Variants in CNTN4 observed in about 807,000 individuals in gnomAD.
The protein encoded by CNTN4 is contactin-4.
In CNTN4, 77 loss-of-function variants were observed where a neutral mutation model predicts 122.5. That is an observed-to-expected ratio of 0.63 (90% CI 0.52 to 0.76). CNTN4 has a LOEUF of 0.76. CNTN4 is among the 30% of genes least tolerant of loss of function. The pLI is 0.00. For synonymous variants in CNTN4, 512 were observed against 447.0 expected (o/e 1.15, Z -1.83); for missense variants, 1,256 against 1,259.1 (o/e 1.00, Z 0.04).
At chr3:2,647,994 A>G (rs1237188472) in intron 4 of CNTN4, among the ~76,000 whole-genome samples, 1 of 152,214 alleles carries the variant, frequency 6.6e-6, no homozygotes, top group Non-Finnish European at 1.5e-5. Flanking sequence ...CGCTTATGCA[A>G]ATTGCTATGT....
chr3:2,971,972 TG>T (rs747869959), intron 13 of CNTN4, among the ~76,000 whole-genome samples: 10 of 152,188 alleles, frequency 6.6e-5, no homozygotes, highest in Non-Finnish European at 1.5e-4. Flanking sequence ...AAAATTATGC[TG>T]GAGATAGGTA....
chr3:2,340,464 C>A (rs976396523), intron 3 of CNTN4, among the ~76,000 whole-genome samples: 6 of 150,976 alleles, frequency 4.0e-5, no homozygotes, highest in Non-Finnish European at 8.9e-5. Flanking sequence ...ATTTTTAACA[C>A]CCTCAGTTAA....
intron 4 of CNTN4, among the ~76,000 whole-genome samples, chr3:2,717,031 C>G (rs943505829): frequency 6.6e-6 from 1 of 152,132 alleles, no homozygotes; most frequent in Admixed American, 6.5e-5. Context: ...GACATTTGAG[C>G]TATTTCTACC....
Position 2,352,044 on chromosome 3 carries a change from C to T in CNTN4, c.-89+12811C>T, listed in dbSNP as rs1269504017. Among the ~76,000 whole-genome samples the T allele has an allele frequency of 1.3e-5, 2 of 152,094 alleles. 1 individual carries two copies. Among genetic ancestry groups the T allele is most frequent in the Admixed American group, 1.3e-4 (2 of 15,272 alleles). ...TTTTTGATTTTTACATATATCAAAACATCACATTTTACTCATAAGTGTATA... is the reference window on the plus strand; with the variant it reads ...TTTTTGATTTTTACATATATCAAAATATCACATTTTACTCATAAGTGTATA... On this transcript the variant is annotated intron_variant, in intron 3 of 24. Coordinates refer to ENST00000418658, the MANE Select transcript of CNTN4 (RefSeq NM_175607.3).
chr3:2,531,108 A>G (rs956855895), intron 3 of CNTN4, among the ~76,000 whole-genome samples: 4 of 152,230 alleles, frequency 2.6e-5, no homozygotes, highest in African/African-American at 4.8e-5. Flanking sequence ...AAAAGAGTCA[A>G]TATGTTTGAT....
At chr3:2,208,287 G>T (rs2038453490) in intron 2 of CNTN4, among the ~76,000 whole-genome samples, 1 of 152,110 alleles carries the variant, frequency 6.6e-6, no homozygotes. Context: ...AGTTTATTCT[G>T]ACCGTCGTGG....
rs2081292195 is a variant in CNTN4, at chr3:2,607,155, G to A, written c.55+35597G>A. 2.0e-5 allele frequency among the ~76,000 whole-genome samples: 3 copies of A among 152,142 alleles called. No homozygotes were observed. The South Asian group carries it at 6.2e-4, about 31-fold the overall frequency. On this transcript the variant is annotated intron_variant, in intron 4 of 24. Transcript: ENST00000418658. ...TTTTTTGGCATCTGGTTCAAACTAT[G>A]TCTGTTTTTGCTAGAAACTGTCACG...
intron 2 of CNTN4, among the ~76,000 whole-genome samples, chr3:2,109,145 C>T (rs1284536954): frequency 1.3e-5 from 2 of 152,134 alleles, no homozygotes; most frequent in Non-Finnish European, 2.9e-5. Flanking sequence ...ATATTTAAAC[C>T]AGACTTCACA....
intron 4 of CNTN4, among the ~76,000 whole-genome samples, chr3:2,643,584 G>A (rs1322583502): frequency 6.6e-6 from 1 of 152,148 alleles, no homozygotes; most frequent in Non-Finnish European, 1.5e-5. Flanking sequence ...GAGATGCTGA[G>A]GATATAGCAG....
intron 2 of CNTN4, among the ~76,000 whole-genome samples, chr3:2,270,222 T>G (rs1153492): frequency 0.16 from 6,761 of 41,258 alleles, 2,284 homozygotes; most frequent in Non-Finnish European, 0.24. Context: ...GTGCTGGGAT[T>G]ACAGGCGTGA....
At chr3:2,407,453 T>G (rs957280036) in intron 3 of CNTN4, among the ~76,000 whole-genome samples, 2 of 152,158 alleles carry the variant, frequency 1.3e-5, no homozygotes, top group Admixed American at 1.3e-4. Flanking sequence ...CAAGATCTGA[T>G]AACTCTCAGA....
chr3:2,558,972 C>T (rs1254836661), intron 3 of CNTN4, among the ~76,000 whole-genome samples: 1 of 152,156 alleles, frequency 6.6e-6, no homozygotes, highest in Non-Finnish European at 1.5e-5. Flanking sequence ...TGTGACAGGC[C>T]AGGCCTGAAA....
At chr3:3,008,327 G>A (rs757089697) in intron 14 of CNTN4, among the ~76,000 whole-genome samples, 18 of 152,098 alleles carry the variant, frequency 1.2e-4, no homozygotes, top group Admixed American at 2.6e-4. Flanking sequence ...CACAGAACAC[G>A]AAATCTGTCA....
At position 2,387,815 on chromosome 3, in the gene CNTN4, C is replaced by T. The variant is rs569892587; in HGVS notation, c.-89+48582C>T. 5.6e-4 allele frequency among the ~76,000 whole-genome samples: 85 copies of T among 152,246 alleles called. No homozygotes were observed. In the Middle Eastern group the frequency reaches 0.017, roughly 30 times the overall value. The stretch of plus-strand genomic sequence containing the variant: ...TATTTCTTATGTTCCACCCATTATA[C>T]GTGAACTATGTGTATCATTAGAAGA... On this transcript the variant is annotated intron_variant, in intron 3 of 24. Coordinates refer to ENST00000418658, the MANE Select transcript of CNTN4 (RefSeq NM_175607.3).
chr3:2,826,549 C>A (rs1202793984), intron 7 of CNTN4, among the ~76,000 whole-genome samples: 1 of 152,156 alleles, frequency 6.6e-6, no homozygotes, highest in Admixed American at 6.5e-5. Context: ...CTAGTCCTAG[C>A]TCTCCCATCA....
chr3:2,300,053 A>G (rs2042448902), intron 2 of CNTN4, among the ~76,000 whole-genome samples: 1 of 152,184 alleles, frequency 6.6e-6, no homozygotes, highest in East Asian at 1.9e-4. Flanking sequence ...GTCTCTTCAG[A>G]TGAAGATAAT....
At chr3:2,531,565 C>A (rs1307375374) in intron 3 of CNTN4, among the ~76,000 whole-genome samples, 1 of 152,114 alleles carries the variant, frequency 6.6e-6, no homozygotes, top group African/African-American at 2.4e-5. Flanking sequence ...TTCTCAGTTG[C>A]AAATGGGAGA....
chr3:2,258,282 A>G (rs1212408676), intron 2 of CNTN4, among the ~76,000 whole-genome samples: 1 of 152,210 alleles, frequency 6.6e-6, no homozygotes. Flanking sequence ...TACTGTAAAG[A>G]CACATGCACA....
intron 4 of CNTN4, among the ~76,000 whole-genome samples, chr3:2,683,306 C>T (rs1017523198): frequency 6.9e-6 from 1 of 145,642 alleles, no homozygotes; most frequent in Non-Finnish European, 1.5e-5. Flanking sequence ...CCCAAATCCA[C>T]ATCTCTCACC....
Sources: gnomAD v4.1 joint callset for allele counts (sites outside exome capture counted in the v4.1 genomes callset) on GRCh38, gnomAD v4.1.1 for gene constraint, MANE v1.5 for transcripts, NCBI Gene and HGNC (gene_info 2026-07-23, HGNC 2026-07-21) for gene names.